The following ZNF536 variants were observed in gnomAD, a reference collection of about 807,000 sequenced individuals.
ZNF536 encodes zinc finger protein 536.
ZNF536 carries 13 observed loss-of-function variants against 84.5 expected under a neutral mutation model. The observed-to-expected ratio is 0.15, with a 90% CI of 0.10 to 0.24. ZNF536 has a LOEUF of 0.24. Ranked by LOEUF, ZNF536 falls within the 10% of genes least tolerant of loss-of-function variation. ZNF536 has a pLI of 1.00. For synonymous variants in ZNF536, 811 were observed against 742.5 expected (o/e 1.09, Z -1.50); for missense variants, 1,536 against 1,747.5 (o/e 0.88, Z 2.16).
chr19:30,562,061 G>A (rs1441465556), downstream of ZNF536, among the ~76,000 whole-genome samples: 12 of 152,326 alleles, frequency 7.9e-5, no homozygotes, highest in African/African-American at 2.6e-4. Context: ...TGGTCTGGGG[G>A]AGACCTTGAA....
chr19:30,494,086 T>G (rs1248234099), intron 2 of ZNF536, among the ~76,000 whole-genome samples: 1 of 152,140 alleles, frequency 6.6e-6, no homozygotes, highest in African/African-American at 2.4e-5. Context: ...ATAATAAAAC[T>G]TCCTTAAAAA....
At chr19:30,417,720 C>T (rs776312309) in intron 1 of ZNF536, among the ~76,000 whole-genome samples, 4 of 152,044 alleles carry the variant, frequency 2.6e-5, no homozygotes, top group Non-Finnish European at 4.4e-5. Context: ...TTGATGAAAA[C>T]GTCTCTAGTG....
At chr19:30,361,562 A>C (rs2048275494) in intron 3 of ZNF536, among the ~76,000 whole-genome samples, 1 of 151,966 alleles carries the variant, frequency 6.6e-6, no homozygotes, top group Non-Finnish European at 1.5e-5. Context: ...TGAAGTGGAA[A>C]TGACTGGCTT....
At chr19:30,368,485 C>G (rs1204876881), upstream of ZNF536, among the ~76,000 whole-genome samples, 1 of 152,220 alleles carries the variant, frequency 6.6e-6, no homozygotes, top group Non-Finnish European at 1.5e-5. Flanking sequence ...CCTGCGAGGG[C>G]AACAGCATTT....
intron 1 of ZNF536, among the ~76,000 whole-genome samples, chr19:30,437,708 G>A (rs2051817467): frequency 1.3e-5 from 2 of 152,072 alleles, no homozygotes; most frequent in Admixed American, 6.6e-5. Flanking sequence ...GGACTGGGGG[G>A]GAATGTTGCC....
chr19:30,657,076 G>C (rs573547376), intron 1 of ZNF536, among the ~76,000 whole-genome samples: 1 of 152,250 alleles, frequency 6.6e-6, no homozygotes, highest in Non-Finnish European at 1.5e-5. Context: ...GGTGTGAAAA[G>C]TGTAGAAAGA....
chr19:30,494,986 C>T (rs1404956229), intron 2 of ZNF536, among the ~76,000 whole-genome samples: 1 of 146,300 alleles, frequency 6.8e-6, no homozygotes, highest in East Asian at 2.1e-4. Flanking sequence ...CTCAGCTGTT[C>T]TCTATGAAGC....
At chr19:30,358,232 C>T (rs1219049208) in intron 3 of ZNF536, among the ~76,000 whole-genome samples, 1 of 152,166 alleles carries the variant, frequency 6.6e-6, no homozygotes, top group Non-Finnish European at 1.5e-5. Flanking sequence ...GGTGAGAAGG[C>T]CGGGGCTCAG....
At chr19:30,571,621 G>A (rs2046548878) in intron 1 of ZNF536, among the ~76,000 whole-genome samples, 1 of 152,158 alleles carries the variant, frequency 6.6e-6, no homozygotes, top group Non-Finnish European at 1.5e-5. Context: ...GGCCCTACAT[G>A]TTTCTCATTT....
Position 30,549,060 on chromosome 19 carries a change from C to T in ZNF536, c.3441C>T (p.Ile1147=), listed in dbSNP as rs2146235031. The T allele has an allele frequency of 6.2e-7, 1 of 1,614,218 alleles. No individual in the cohort carries two copies. The highest frequency in any genetic ancestry group is 8.5e-7 in the Non-Finnish European group (1 of 1,180,046). Residue 1147 remains isoleucine, a synonymous_variant, in exon 4 of 5, where the codon ATC becomes ATT. Transcript: ENST00000355537. ...GKAHSEEDVP[I]LIPETTSKNT... ...CCCACTCTGAAGAGGATGTCCCCAT[C>T]CTGATCCCCGAAACCACGAGTAAGA...
chr19:30,386,149 G>A (rs1425398184), intron 1 of ZNF536, among the ~76,000 whole-genome samples: 1 of 152,118 alleles, frequency 6.6e-6, no homozygotes, highest in Non-Finnish European at 1.5e-5. Context: ...TGCCTACGCT[G>A]TCTTAGAAAG....
At chr19:30,655,291 TTCA>T (rs1454285050) in intron 1 of ZNF536, among the ~76,000 whole-genome samples, 1 of 152,228 alleles carries the variant, frequency 6.6e-6, no homozygotes. Flanking sequence ...TCCTGCTCTC[TTCA>T]TCATCTTCTC....
In ZNF536 at chr19:30,557,166, A is replaced by T. The variant is rs2146371992; in HGVS notation, c.*2A>T. 6.2e-7 allele frequency: 1 copy of T among 1,610,446 alleles called. No homozygotes were observed. ...GCACATTTTCTTGCAGGTAAGTGAC[A>T]CTCCCTGTCCTAGTCGGTCTATCTG... is the stretch of plus-strand genomic sequence containing the variant. On this transcript the variant is annotated 3_prime_UTR_variant, in exon 5 of 5. Coordinates refer to ENST00000355537, the MANE Select transcript of ZNF536 (RefSeq NM_014717.3).
At chr19:30,430,438 T>G (rs1409834984) in intron 1 of ZNF536, among the ~76,000 whole-genome samples, 2 of 152,198 alleles carry the variant, frequency 1.3e-5, no homozygotes, top group Admixed American at 6.5e-5. Context: ...CATGGGGTTT[T>G]GGACAGGCAT....
intron 1 of ZNF536, among the ~76,000 whole-genome samples, chr19:30,567,582 T>C (rs2046400210): frequency 1.3e-5 from 2 of 152,182 alleles, no homozygotes; most frequent in Admixed American, 1.3e-4. Context: ...CGAGGAAACC[T>C]GACCCCCACC....
intron 1 of ZNF536, among the ~76,000 whole-genome samples, chr19:30,378,590 T>A (rs2048902422): frequency 6.6e-6 from 1 of 152,222 alleles, no homozygotes; most frequent in African/African-American, 2.4e-5. Context: ...CCATCTGAGA[T>A]AATGGGAACA....
intron 1 of ZNF536, among the ~76,000 whole-genome samples, chr19:30,586,295 A>C (rs1000843839): frequency 2.0e-5 from 3 of 152,248 alleles, no homozygotes; most frequent in Non-Finnish European, 4.4e-5. Context: ...CTATAGAGGC[A>C]AAAAGGGGAG....
chr19:30,669,473 A>C (rs1288896389), intron 1 of ZNF536, among the ~76,000 whole-genome samples: 1 of 152,186 alleles, frequency 6.6e-6, no homozygotes, highest in East Asian at 1.9e-4. Context: ...TGAAGAAAGA[A>C]GGGACAGGCT....
chr19:30,548,205 G>A lies in ZNF536; in HGVS notation c.2586G>A (p.Gly862=). The A allele has an allele frequency of 6.2e-7, 1 of 1,614,178 alleles. No individual in the cohort carries two copies. Among genetic ancestry groups the A allele is most frequent in the Non-Finnish European group, 8.5e-7 (1 of 1,180,038 alleles). The change falls in exon 4 of 5, where the codon GGG becomes GGA. Residue 862 remains glycine (G), a synonymous_variant. Transcript: ENST00000355537. ...GGPASQQWTS[G]VLSSGDHSGQ... ...CTGCATCTCAGCAGTGGACATCAGGGGTTCTCTCCTCTGGAGATCACTCGG... is the reference window on the plus strand; with the variant it reads ...CTGCATCTCAGCAGTGGACATCAGGAGTTCTCTCCTCTGGAGATCACTCGG...
Sources: allele counts gnomAD v4.1 joint callset (sites outside exome capture counted in the v4.1 genomes callset), GRCh38; gene constraint gnomAD v4.1.1; transcripts MANE v1.5; gene names NCBI Gene and HGNC (gene_info 2026-07-23, HGNC 2026-07-21).